PIEZO1: variants seen among roughly 807,000 people sequenced by gnomAD.
PIEZO1 encodes the protein piezo type mechanosensitive ion channel component 1 (Er blood group).
PIEZO1 carries 296 observed loss-of-function variants against 297.2 expected under a neutral mutation model. The ratio of observed to expected loss-of-function variants is 1.00; its 90% CI spans 0.91 to 1.10. The LOEUF (loss-of-function observed/expected upper bound fraction) is 1.10. Ranked by LOEUF, PIEZO1 falls within the 50% of genes least tolerant of loss-of-function variation. The pLI is 0.00. For missense variants in PIEZO1, 5,018 were observed against 3,455.5 expected, an observed-to-expected ratio of 1.45 and a Z score of -11.34; for synonymous variants, 2,427 against 1,507.5, an observed-to-expected ratio of 1.61 and a Z score of -14.13.
chr16:88,743,089 G>A (rs1255860103), intron 2 of PIEZO1: 1 of 456,590 alleles, frequency 2.2e-6, no homozygotes, highest in Non-Finnish European at 4.4e-6. Context: ...GCAGGAAGCG[G>A]CAGCACCATC....
At chr16:88,726,085 G>C (rs1260377441) in intron 27 of PIEZO1, 199 bp downstream of exon 27, 6 of 598,338 alleles carry the variant, frequency 1.0e-5, no homozygotes, top group Non-Finnish European at 1.8e-5. Context: ...TGTGGTCTCT[G>C]ACAGACCCAG....
At position 88,736,210 on chromosome 16, in the gene PIEZO1, C is replaced by T. The variant is rs530486445; in HGVS notation, c.1495G>A (p.Val499Ile). The change falls in exon 12 of 51, where the codon GTC becomes ATC. Residue 499 changes from valine (V) to isoleucine (I), a missense_variant. By Grantham distance (29) the Val-to-Ile change is conservative (BLOSUM62 3). Transcript: ENST00000301015. ...TCCAGCCCCAGCTGGCGCAGGCTGA[C>T]GGGGCCCAGGGTGGTGGGCAGCTCA... ...RPELPTTLGP[V>I]SLRQLGLEHT... The T allele has an allele frequency of 9.0e-4, 1,396 of 1,549,760 alleles. 3 individuals are homozygous for T. The highest frequency in any genetic ancestry group is 7.8e-3 in the Middle Eastern group (46 of 5,870).
Position 88,715,911 on chromosome 16 carries a change from GC to G in PIEZO1, c.7316+21del, listed in dbSNP as rs3214887. ...CCCGGAGCCCCCCGAGCTGCGGGGT[GC>G]CCCCCCAGCCACTCACTCACCCGTA... On this transcript the variant is annotated intron_variant, in intron 50 of 50. Transcript: ENST00000301015. 0.3 allele frequency: 467,794 copies of G among 1,543,918 alleles called. 73,315 individuals carry two copies. The highest frequency in any genetic ancestry group is 0.32 in the Non-Finnish European group (371,287 of 1,142,840).
intron 1 of PIEZO1, among the ~76,000 whole-genome samples, chr16:88,771,490 G>C (rs960442694): frequency 5.9e-5 from 9 of 152,220 alleles, no homozygotes; most frequent in Non-Finnish European, 5.9e-5. Flanking sequence ...TTTCTTGACT[G>C]GGGGCTCGGC....
At chr16:88,761,449 C>T (rs1007608824) in intron 1 of PIEZO1, among the ~76,000 whole-genome samples, 6 of 152,212 alleles carry the variant, frequency 3.9e-5, no homozygotes, top group East Asian at 1.9e-4. Context: ...AAAGGCCCAG[C>T]GGCACGGCCC....
chr16:88,731,709 T>G lies in PIEZO1; in HGVS notation c.3193A>C (p.Ile1065Leu), dbSNP rs755141831. 1.9e-6 allele frequency: 3 copies of G among 1,548,830 alleles called. No individual in the cohort carries two copies. The South Asian group carries it at 3.6e-5, about 18-fold the overall frequency. ...LCLGMPPALCIDYPWRWSRAV... is the reference protein window; with the variant it reads ...LCLGMPPALCLDYPWRWSRAV... ...ACCCAAGCCACGTGCCCCTCACCAA[T>G]GCACAGGGCCGGGGGCATCCCCAGG... The change falls in exon 22 of 51, where the codon ATT (isoleucine) becomes CTT (leucine). Residue 1065 changes from isoleucine to leucine, a missense_variant. Physicochemically the swap from Ile to Leu is conservative, Grantham distance 5. Coordinates refer to ENST00000301015, the MANE Select transcript of PIEZO1 (RefSeq NM_001142864.4).
At chr16:88,722,776 T>C in intron 34 of PIEZO1, 61 bp downstream of exon 34, 1 of 1,530,940 alleles carries the variant, frequency 6.5e-7, no homozygotes, top group Non-Finnish European at 8.8e-7. Flanking sequence ...ACTAGGCTGT[T>C]AAGCAGGCAG....
At chr16:88,725,855 G>A in intron 27 of PIEZO1, 171 bp from the exon 28 acceptor site, 1 of 609,974 alleles carries the variant, frequency 1.6e-6, no homozygotes, top group Non-Finnish European at 3.0e-6. Context: ...CGTGCTGTCT[G>A]CGGCGAGGAC....
At position 88,727,600 on chromosome 16, in the gene PIEZO1, G is replaced by A. The variant is rs1431154243; in HGVS notation, c.3258C>T (p.Tyr1086=). The change falls in exon 23 of 51, where the codon TAC becomes TAT. Residue 1086 remains tyrosine (Y), a synonymous_variant. Coordinates refer to ENST00000301015, the MANE Select transcript of PIEZO1 (RefSeq NM_001142864.4). The part of the protein sequence containing the change: ...PMNSALIKWL[Y]LPDFFRAPNS... ...TGGGGGCCCGGAAGAAATCAGGCAG[G>A]TACAGCCACTTGATGAGTGCGGAGT... 1 of 1,537,346 alleles carries A rather than the reference G, an allele frequency of 6.5e-7. No homozygotes were observed. Among genetic ancestry groups the A allele is most frequent in the Non-Finnish European group, 8.8e-7 (1 of 1,138,714 alleles).
rs1026059448 is a variant in PIEZO1, at chr16:88,721,780, C to A, written c.5214+28G>T. The A allele has an allele frequency of 1.1e-5, 17 of 1,534,294 alleles. No homozygotes were observed. The Admixed American group carries it at 2.6e-4, about 23-fold the overall frequency. ...GAGGGTCACGGCGCGGTGGGCCGGGCGCCCCCTCCCCCGCGGCCTCGGCCC... is the reference window on the plus strand; with the variant it reads ...GAGGGTCACGGCGCGGTGGGCCGGGAGCCCCCTCCCCCGCGGCCTCGGCCC... On this transcript the variant is annotated intron_variant, in intron 37 of 50. Coordinates refer to ENST00000301015, the MANE Select transcript of PIEZO1 (RefSeq NM_001142864.4).
At chr16:88,778,985 G>C (rs887063924) in intron 1 of PIEZO1, among the ~76,000 whole-genome samples, 2 of 151,954 alleles carry the variant, frequency 1.3e-5, no homozygotes, top group African/African-American at 2.4e-5. Context: ...AACAGGGGAG[G>C]ACAGAGGTTC....
Position 88,727,027 on chromosome 16 carries a change from C to A in PIEZO1, c.3455+12G>T, listed in dbSNP as rs528706226. The A allele has an allele frequency of 8.4e-6, 13 of 1,547,900 alleles. No individual in the cohort carries two copies. Among genetic ancestry groups the A allele is most frequent in the Non-Finnish European group, 1.1e-5 (13 of 1,145,044 alleles). On this transcript the variant is annotated intron_variant, in intron 24 of 50. Coordinates refer to ENST00000301015, the MANE Select transcript of PIEZO1 (RefSeq NM_001142864.4). ...CCAGAAGGTTCCCCGTGGAGGGTGA[C>A]GTGGAACCCACCTGCAGTGGATAAA...
intron 1 of PIEZO1, among the ~76,000 whole-genome samples, chr16:88,755,021 AGGGTGGACACACCTGC>A (rs1906582981): frequency 6.6e-6 from 1 of 152,334 alleles, no homozygotes; most frequent in African/African-American, 2.4e-5. Context: ...GCCTAACCAG[AGGGTGGACACACCTGC>A]GGCCATCAGG....
rs114034093 is a variant in PIEZO1, at chr16:88,722,604, T to C, written c.4754A>G (p.Asn1585Ser). ...CTACCTGGACACGGTGCTTGGGGCATTGGGGGCCTCGGTGGGGCCTGGCAG... is the reference window on the plus strand; with the variant it reads ...CTACCTGGACACGGTGCTTGGGGCACTGGGGGCCTCGGTGGGGCCTGGCAG... ...ATLPGPTEAP[N>S]APSTVSSGLG... Residue 1585 changes from asparagine to serine, a missense_variant, in exon 35 of 51, where the codon AAT becomes AGT. Coordinates refer to ENST00000301015, the MANE Select transcript of PIEZO1 (RefSeq NM_001142864.4). 4,692 of 1,537,282 alleles carry C rather than the reference T, an allele frequency of 3.1e-3. 119 individuals are homozygous for C. The African/African-American group carries it at 0.056, about 18-fold the overall frequency.
At position 88,721,223 on chromosome 16, in the gene PIEZO1, G is replaced by A. The variant is rs772067630; in HGVS notation, c.5611C>T (p.Leu1871=). ...LRPRDTRRIS[L]RFRRRKKEGP... The stretch of plus-strand genomic sequence containing the variant: ...TCCTTCTTCCTTCTTCTAAAACGTA[G>A]ACTGATGCGCCTCGTATCACGGGGC... Residue 1871 remains leucine (L), a synonymous_variant, in exon 39 of 51, where the codon CTA becomes TTA. Transcript: ENST00000301015. The A allele has an allele frequency of 1.6e-5, 24 of 1,537,268 alleles. No homozygotes were observed. The South Asian group carries it at 2.7e-4, about 18-fold the overall frequency.
Position 88,736,744 on chromosome 16 carries a change from A to C in PIEZO1, c.1196-5T>G, listed in dbSNP as rs1905246154. 1.3e-6 allele frequency: 2 copies of C among 1,511,746 alleles called. No individual in the cohort carries two copies. The highest frequency in any genetic ancestry group is 1.8e-6 in the Non-Finnish European group (2 of 1,130,334). The allele number at this position is 1,511,746 out of a possible 1,614,324, so 93.6% of individuals were successfully genotyped here. On this transcript the variant is annotated splice_region_variant and splice_polypyrimidine_tract_variant and intron_variant, in intron 10 of 50. Coordinates refer to ENST00000301015, the MANE Select transcript of PIEZO1 (RefSeq NM_001142864.4). ...GCTCAGCCCGCTTGGGCCGCACTGC[A>C]GGTGGGGACAGCGGTCAGCTTCGGC...
At chr16:88,734,588 C>T (rs1333439377) in intron 15 of PIEZO1, 50 bp from the exon 16 acceptor site, 1 of 1,546,666 alleles carries the variant, frequency 6.5e-7, no homozygotes, top group Non-Finnish European at 8.7e-7. Flanking sequence ...AGAGCCGCTG[C>T]AGCCCCGGGG....
Position 88,783,629 on chromosome 16 carries a change from T to C in PIEZO1, c.64+1272A>G, listed in dbSNP as rs543159394. Among the ~76,000 whole-genome samples, 4 of 152,304 alleles carry C rather than the reference T, an allele frequency of 2.6e-5. No homozygotes were observed. In the East Asian group the frequency reaches 7.7e-4, roughly 29 times the overall value. ...CACAGGAAGGAACACAGCCGGGCCCTGTTTACGGCCCATCTGACCCTGCAC... is the reference window on the plus strand; with the variant it reads ...CACAGGAAGGAACACAGCCGGGCCCCGTTTACGGCCCATCTGACCCTGCAC... On this transcript the variant is annotated intron_variant, in intron 1 of 50. Coordinates refer to ENST00000301015, the MANE Select transcript of PIEZO1 (RefSeq NM_001142864.4).
In PIEZO1 at chr16:88,722,273, C is replaced by G. The variant is rs995022376; in HGVS notation, c.4900G>C (p.Gly1634Arg). The change falls in exon 36 of 51, where the codon GGT (glycine) becomes CGT (arginine). Residue 1634 changes from glycine to arginine, a missense_variant. Gly to Arg is a moderately radical substitution (Grantham distance 125). Transcript: ENST00000301015. The stretch of plus-strand genomic sequence containing the variant: ...ATCAGTCCCTGGTACAGAGAGGCAC[C>G]AGCCTCACGCTCCCCGGGGTCGGTG... ...AVTDPGEREA[G>R]ASLYQGLMRT... 5 of 1,548,478 alleles carry G rather than the reference C, an allele frequency of 3.2e-6. No homozygotes were observed. Among genetic ancestry groups the G allele is most frequent in the Non-Finnish European group, 3.5e-6 (4 of 1,146,800 alleles).
Sources: allele counts gnomAD v4.1 joint callset (sites outside exome capture counted in the v4.1 genomes callset), GRCh38; gene constraint gnomAD v4.1.1; transcripts MANE v1.5; gene names NCBI Gene and HGNC (gene_info 2026-07-23, HGNC 2026-07-21).